DST: variants seen among roughly 807,000 people sequenced by gnomAD.
DST encodes the protein bullous pemphigoid antigen.
A neutral mutation model predicts 875.2 loss-of-function variants in DST; 253 were observed. The observed-to-expected ratio is 0.29, with a 90% CI of 0.26 to 0.32. DST has a LOEUF of 0.32. DST is among the 10% of genes least tolerant of loss of function. DST has a pLI of 1.00. For synonymous variants in DST, 3,124 were observed against 3,197.1 expected, an observed-to-expected ratio of 0.98 and a Z score of 0.77; for missense variants, 8,287 against 9,111.6, an observed-to-expected ratio of 0.91 and a Z score of 3.68.
At chr6:56,576,107 C>T (rs1370809862) in intron 50 of DST, among the ~76,000 whole-genome samples, 1 of 152,126 alleles carries the variant, frequency 6.6e-6, no homozygotes, top group Admixed American at 6.6e-5. Context: ...TGTAATGAAG[C>T]TGCCATAAAA....
chr6:56,721,509 A>G (rs186424993), intron 5 of DST, among the ~76,000 whole-genome samples: 2 of 152,354 alleles, frequency 1.3e-5, no homozygotes, highest in East Asian at 3.9e-4. Context: ...TTGGGGAACT[A>G]ATAAATGTCC....
At chr6:56,708,811 G>C (rs2099351195) in intron 5 of DST, among the ~76,000 whole-genome samples, 1 of 152,154 alleles carries the variant, frequency 6.6e-6, no homozygotes, top group South Asian at 2.1e-4. Flanking sequence ...AAGAAAAGAA[G>C]GGAAAGTAGA....
At chr6:56,716,604 A>T (rs1386187043) in intron 5 of DST, among the ~76,000 whole-genome samples, 2 of 152,212 alleles carry the variant, frequency 1.3e-5, no homozygotes. Context: ...AATCCCAGCT[A>T]CTCATGAAAC....
intron 55 of DST, among the ~76,000 whole-genome samples, chr6:56,563,687 T>A (rs908343412): frequency 7.9e-5 from 12 of 152,244 alleles, no homozygotes; most frequent in African/African-American, 2.9e-4. Flanking sequence ...TGCCTAGGTT[T>A]TCTTCTAGGA....
At chr6:56,870,207 A>G (rs1776359484) in intron 3 of DST, among the ~76,000 whole-genome samples, 2 of 152,076 alleles carry the variant, frequency 1.3e-5, no homozygotes, top group African/African-American at 4.8e-5. Context: ...CTTGCAACTT[A>G]GCTCATACCC....
chr6:56,797,767 G>A (rs964483556), intron 4 of DST, among the ~76,000 whole-genome samples: 23 of 145,586 alleles, frequency 1.6e-4, no homozygotes, highest in Admixed American at 1.5e-3. Context: ...GCAGTGAACC[G>A]AGATTGCGCC....
chr6:56,700,476 A>G (rs2099294653), intron 8 of DST, among the ~76,000 whole-genome samples: 1 of 152,202 alleles, frequency 6.6e-6, no homozygotes, highest in African/African-American at 2.4e-5. Flanking sequence ...TAACAATTCT[A>G]ACAATTTTCT....
In DST at chr6:56,732,859, G is replaced by A. The variant is rs145861655; in HGVS notation, c.687+2369C>T. ...AAAGAAGTCAAACACTGGACACAGC[G>A]TCTCATTTGAATTCATATTCTCATT... On this transcript the variant is annotated intron_variant, in intron 5 of 103. Transcript: ENST00000680361. Among the ~76,000 whole-genome samples the A allele has an allele frequency of 2.8e-3, 426 of 152,298 alleles. 2 individuals carry two copies. Among genetic ancestry groups the A allele is most frequent in the African/African-American group, 9.5e-3 (396 of 41,564 alleles).
intron 9 of DST, among the ~76,000 whole-genome samples, chr6:56,688,581 G>T (rs575418859): frequency 6.6e-6 from 1 of 152,148 alleles, no homozygotes; most frequent in East Asian, 1.9e-4. Flanking sequence ...TTTACTTTAG[G>T]CCACTGCACT....
chr6:56,503,627 A>ACC (rs1554261605), intron 78 of DST, among the ~76,000 whole-genome samples: 3 of 149,434 alleles, frequency 2.0e-5, no homozygotes, highest in Non-Finnish European at 3.0e-5. Context: ...ACACACACAC[A>ACC]CCCCATGTCC....
intron 39 of DST, among the ~76,000 whole-genome samples, chr6:56,609,594 A>T (rs971366839): frequency 6.6e-6 from 1 of 152,222 alleles, no homozygotes; most frequent in South Asian, 2.1e-4. Flanking sequence ...TGAAAACTTG[A>T]TATCGTGTAT....
intron 9 of DST, among the ~76,000 whole-genome samples, chr6:56,688,501 T>C: frequency 6.6e-6 from 1 of 152,218 alleles, no homozygotes. Context: ...CAATTCTTCA[T>C]TATTCAGAGA....
At chr6:56,750,813 C>T (rs939286697) in intron 4 of DST, among the ~76,000 whole-genome samples, 4 of 152,196 alleles carry the variant, frequency 2.6e-5, no homozygotes, top group African/African-American at 9.6e-5. Flanking sequence ...GGAGACTCCA[C>T]TGGTATAACC....
intron 50 of DST, among the ~76,000 whole-genome samples, chr6:56,575,427 CTTGAAG>C (rs1174270255): frequency 6.6e-6 from 1 of 152,178 alleles, no homozygotes; most frequent in African/African-American, 2.4e-5. Flanking sequence ...TGAATGGCAG[CTTGAAG>C]TTGGCAGGTT....
At chr6:56,521,171 TC>T (rs2096691708) in intron 69 of DST, among the ~76,000 whole-genome samples, 1 of 152,100 alleles carries the variant, frequency 6.6e-6, no homozygotes, top group East Asian at 1.9e-4. Flanking sequence ...AAGTTAGTCT[TC>T]TGTGGATTCT....
At chr6:56,707,377 AG>A (rs1475560725) in intron 5 of DST, among the ~76,000 whole-genome samples, 1 of 152,242 alleles carries the variant, frequency 6.6e-6, no homozygotes, top group Non-Finnish European at 1.5e-5. Context: ...AAACTCTAAA[AG>A]AGCCTGAATG....
intron 4 of DST, among the ~76,000 whole-genome samples, chr6:56,832,563 T>A (rs1487254440): frequency 1.3e-5 from 2 of 151,830 alleles, no homozygotes; most frequent in Non-Finnish European, 2.9e-5. Flanking sequence ...CTCTGGTATG[T>A]CTTTATCAGC....
intron 3 of DST, among the ~76,000 whole-genome samples, chr6:56,899,314 A>G (rs1792899255): frequency 6.6e-6 from 1 of 152,174 alleles, no homozygotes; most frequent in Non-Finnish European, 1.5e-5. Flanking sequence ...CCTTTGTTTT[A>G]TTGAATCATG....
chr6:56,754,053 A>G (rs1434791232), intron 4 of DST, among the ~76,000 whole-genome samples: 1 of 152,222 alleles, frequency 6.6e-6, no homozygotes, highest in Admixed American at 6.5e-5. Flanking sequence ...AATTCACTTC[A>G]TACCACTGAT....
Sources: gnomAD v4.1 joint callset for allele counts (sites outside exome capture counted in the v4.1 genomes callset) on GRCh38, gnomAD v4.1.1 for gene constraint, MANE v1.5 for transcripts, NCBI Gene and HGNC (gene_info 2026-07-23, HGNC 2026-07-21) for gene names.